Variants in STAU2 observed in about 807,000 individuals in gnomAD.
STAU2 encodes the protein staufen double-stranded RNA binding protein 2.
Under a neutral mutation model 65.9 loss-of-function variants are expected in STAU2, and 20 were observed. The observed-to-expected ratio is 0.30, with a 90% CI of 0.21 to 0.44. The LOEUF is 0.44. Ranked by LOEUF, STAU2 falls within the 20% of genes least tolerant of loss-of-function variation. The probability of loss-of-function intolerance (pLI) is 1.00; values close to 1 mark genes in which losing one functional copy is unlikely to be tolerated. For synonymous variants in STAU2, 232 were observed against 233.9 expected (o/e 0.99, Z 0.07); for missense variants, 558 against 683.9 (o/e 0.82, Z 2.05).
chr8:73,509,925 A>G (rs1229198304), intron 13 of STAU2, among the ~76,000 whole-genome samples: 1 of 152,244 alleles, frequency 6.6e-6, no homozygotes, highest in East Asian at 1.9e-4. Context: ...TAAAACTGTT[A>G]GAAATGCTTA....
At chr8:73,697,317 T>C (rs1004580155) in intron 4 of STAU2, 2 of 152,188 alleles carry the variant, frequency 1.3e-5, no homozygotes, top group African/African-American at 2.4e-5. Flanking sequence ...CCTAGAATAG[T>C]ATATCTGGTG....
chr8:73,577,426 C>CA (rs1284627228), intron 12 of STAU2, among the ~76,000 whole-genome samples: 25,740 of 120,044 alleles, frequency 0.21, 2,770 homozygotes, highest in African/African-American at 0.33. Context: ...GACTCCATCT[C>CA]AAAAAAAAAA....
chr8:73,535,320 C>A (rs919698742), intron 13 of STAU2, among the ~76,000 whole-genome samples: 1 of 152,126 alleles, frequency 6.6e-6, no homozygotes, highest in African/African-American at 2.4e-5. Context: ...CAGGCGCCCA[C>A]CACCACGCCT....
chr8:73,430,929 C>G (rs927797033), intron 13 of STAU2, among the ~76,000 whole-genome samples: 2 of 152,200 alleles, frequency 1.3e-5, no homozygotes, highest in African/African-American at 4.8e-5. Context: ...AAGAAGCAAG[C>G]TCTAAACTTT....
intron 13 of STAU2, among the ~76,000 whole-genome samples, chr8:73,477,756 A>C (rs1162825141): frequency 1.3e-5 from 2 of 152,130 alleles, no homozygotes; most frequent in African/African-American, 4.8e-5. Flanking sequence ...CCAAAATGCA[A>C]CCTGGACTGT....
rs1820711015 is a variant in STAU2 at position 73,709,050 on chromosome 8, T to A, written c.96A>T (p.Arg32Ser). The change falls in exon 4 of 15, where the codon AGA becomes AGT. Residue 32 changes from arginine to serine, a missense_variant. Coordinates refer to ENST00000524300, the MANE Select transcript of STAU2 (RefSeq NM_001164380.2). ...ACCTTACCTTTGAATGAGCAGGCCC[T>A]CTTTCATTCAGAAGTTTATACTGGG... ...VQPQYKLLNE[R>S]GPAHSKMFSV... is the part of the protein sequence containing the mutation. 6.5e-7 allele frequency: 1 copy of A among 1,529,282 alleles called. No homozygotes were observed. Among genetic ancestry groups the A allele is most frequent in the Non-Finnish European group, 8.7e-7 (1 of 1,143,406 alleles). The allele number at this position is 1,529,282 out of a possible 1,614,324, so 94.7% of individuals were successfully genotyped here.
chr8:73,664,086 C>T (rs1297257011), intron 6 of STAU2, among the ~76,000 whole-genome samples: 1 of 152,124 alleles, frequency 6.6e-6, no homozygotes, highest in South Asian at 2.1e-4. Flanking sequence ...TGGGGTCTCA[C>T]TGCGTTGCCT....
intron 4 of STAU2, among the ~76,000 whole-genome samples, chr8:73,698,936 AG>A (rs1377037209): frequency 7.7e-4 from 45 of 58,122 alleles, no homozygotes; most frequent in South Asian, 1.8e-3. Flanking sequence ...AAAAAAAAAA[AG>A]AGAGAGAGAG....
chr8:73,507,600 C>G (rs1260817694), intron 13 of STAU2, among the ~76,000 whole-genome samples: 2 of 152,176 alleles, frequency 1.3e-5, no homozygotes, highest in Non-Finnish European at 2.9e-5. Flanking sequence ...GGGAAATGAG[C>G]AGTGGTTTCA....
At chr8:73,729,368 C>T (rs1338038959) in intron 3 of STAU2, among the ~76,000 whole-genome samples, 21 of 152,144 alleles carry the variant, frequency 1.4e-4, no homozygotes, top group Admixed American at 1.1e-3. Flanking sequence ...CTGTAATTTT[C>T]GCATTACGTC....
intron 13 of STAU2, among the ~76,000 whole-genome samples, chr8:73,471,873 A>G (rs1424664049): frequency 4.6e-5 from 7 of 151,868 alleles, no homozygotes; most frequent in Non-Finnish European, 8.8e-5. Context: ...GAAGAAAGAA[A>G]TTCACGTTAA....
intron 3 of STAU2, among the ~76,000 whole-genome samples, chr8:73,709,799 A>T (rs1820760689): frequency 6.6e-6 from 1 of 152,044 alleles, no homozygotes; most frequent in African/African-American, 2.4e-5. Context: ...TAAAAAAAAA[A>T]TAAGTGGTAT....
intron 13 of STAU2, among the ~76,000 whole-genome samples, chr8:73,436,905 T>A (rs1817742269): frequency 6.6e-6 from 1 of 152,172 alleles, no homozygotes; most frequent in Non-Finnish European, 1.5e-5. Context: ...CAATCTTGTT[T>A]CAGGTGTCTC....
intron 12 of STAU2, among the ~76,000 whole-genome samples, chr8:73,560,869 A>G (rs1334508390): frequency 6.6e-6 from 1 of 152,240 alleles, no homozygotes; most frequent in East Asian, 1.9e-4. Context: ...CCTTAGTCAA[A>G]TAAAAGTGCG....
At chr8:73,632,391 T>C (rs369492507) in intron 6 of STAU2, among the ~76,000 whole-genome samples, 104 of 152,282 alleles carry the variant, frequency 6.8e-4, no homozygotes, top group African/African-American at 2.3e-3. Flanking sequence ...CCTTAAGTAT[T>C]TGAGGAATCA....
chr8:73,462,005 T>C (rs576394581), intron 13 of STAU2, among the ~76,000 whole-genome samples: 1 of 152,340 alleles, frequency 6.6e-6, no homozygotes, highest in East Asian at 1.9e-4. Flanking sequence ...TTTTCTCTTA[T>C]TATCCCCCAT....
chr8:73,606,575 A>T (rs1016837636), intron 9 of STAU2, among the ~76,000 whole-genome samples: 4 of 152,376 alleles, frequency 2.6e-5, no homozygotes, highest in Admixed American at 2.0e-4. Context: ...CTGAAATTTT[A>T]AAAACTATGC....
chr8:73,742,652 C>G (rs546329337), intron 1 of STAU2, among the ~76,000 whole-genome samples: 1 of 151,750 alleles, frequency 6.6e-6, no homozygotes, highest in Non-Finnish European at 1.5e-5. Context: ...CAAAAATGCC[C>G]TATCTGGTCA....
At chr8:73,713,144 T>C (rs1821012343) in intron 3 of STAU2, among the ~76,000 whole-genome samples, 2 of 152,218 alleles carry the variant, frequency 1.3e-5, no homozygotes, top group Admixed American at 6.5e-5. Flanking sequence ...ACTTACAACT[T>C]TGATAAGAAA....
Sources: gnomAD v4.1 joint callset for allele counts (sites outside exome capture counted in the v4.1 genomes callset) on GRCh38, gnomAD v4.1.1 for gene constraint, MANE v1.5 for transcripts, NCBI Gene and HGNC (gene_info 2026-07-23, HGNC 2026-07-21) for gene names.